NLGN4Y: variants seen among roughly 807,000 people sequenced by gnomAD.
The protein encoded by NLGN4Y is neuroligin 4 Y-linked.
In NLGN4Y, 4 loss-of-function variants were observed where a neutral mutation model predicts 8.4. The ratio of observed to expected loss-of-function variants is 0.48; its 90% CI spans 0.23 to 1.09. The LOEUF (loss-of-function observed/expected upper bound fraction) is 1.09. Ranked by LOEUF, NLGN4Y falls within the 50% of genes least tolerant of loss-of-function variation. The pLI, the probability that NLGN4Y is intolerant of heterozygous loss-of-function variation, is 0.19. For missense variants in NLGN4Y, 90 were observed against 192.3 expected, an observed-to-expected ratio of 0.47 and a Z score of 3.15; for synonymous variants, 35 against 75.6, an observed-to-expected ratio of 0.46 and a Z score of 2.78.
rs965410544 is a variant in NLGN4Y, at chrY:14,557,509, C to T, written c.-112+32801C>T. On this transcript the variant is annotated intron_variant, in intron 1 of 6. Transcript: ENST00000684976. The stretch of plus-strand genomic sequence containing the variant: ...AATTCTGTCGAGGAGATTACTAGAA[C>T]GGAGATTAACTTGTAAATAACTCTT... 1.8e-4 allele frequency among the ~76,000 whole-genome samples: 6 copies of T among 33,014 alleles called. No homozygotes were observed. In the South Asian group the frequency reaches 2.8e-3, roughly 15 times the overall value. 88.6% of individuals were successfully genotyped at this position (33,014 alleles called of 37,273 possible). A position where few individuals can be genotyped will look rare whatever the true frequency, so the allele number is the denominator to read the frequency against.
intron 2 of NLGN4Y, among the ~76,000 whole-genome samples, chrY:14,684,179 T>C (rs2080780229): frequency 6.0e-5 from 2 of 33,460 alleles, no homozygotes; most frequent in East Asian, 8.1e-4. Flanking sequence ...AAGGTGGTGA[T>C]TGGAGTGAAC....
intron 4 of NLGN4Y, among the ~76,000 whole-genome samples, chrY:14,778,177 T>C: frequency 3.0e-5 from 1 of 32,986 alleles, no homozygotes; most frequent in African/African-American, 1.2e-4. Context: ...GAGGGGAAAA[T>C]AGCACTTAGA....
At chrY:14,733,950 C>T (rs2080983338) in intron 4 of NLGN4Y, among the ~76,000 whole-genome samples, 1 of 33,324 alleles carries the variant, frequency 3.0e-5, no homozygotes, top group African/African-American at 1.2e-4. Context: ...CATCTGCAGA[C>T]AGCATGTTAA....
At chrY:14,802,682 ATTT>A in intron 4 of NLGN4Y, among the ~76,000 whole-genome samples, 1 of 10,868 alleles carries the variant, frequency 9.2e-5, no homozygotes, top group Non-Finnish European at 1.4e-4. Flanking sequence ...TTTTAAATAT[ATTT>A]AAATTTAAAT....
chrY:14,749,970 C>T, intron 4 of NLGN4Y, among the ~76,000 whole-genome samples: 1 of 32,749 alleles, frequency 3.1e-5, no homozygotes, highest in Admixed American at 2.8e-4. Context: ...GAAAGAATAA[C>T]TGTAGTGTTA....
intron 4 of NLGN4Y, among the ~76,000 whole-genome samples, chrY:14,766,070 G>T: frequency 3.0e-5 from 1 of 33,315 alleles, no homozygotes; most frequent in Non-Finnish European, 7.5e-5. Context: ...GTCAGTGAAG[G>T]GAAATCTGTA....
intron 2 of NLGN4Y, among the ~76,000 whole-genome samples, chrY:14,623,582 G>T (rs534176122): frequency 0.016 from 539 of 34,080 alleles, no homozygotes; most frequent in Admixed American, 0.11. Flanking sequence ...TTCTTTTATG[G>T]AGAATTTTTT....
At chrY:14,600,080 T>TTC (rs2080421281) in intron 1 of NLGN4Y, among the ~76,000 whole-genome samples, 1 of 32,144 alleles carries the variant, frequency 3.1e-5, no homozygotes, top group Non-Finnish European at 7.5e-5. Context: ...ATTTGTCAAT[T>TTC]TCTCTCTCTC....
intron 4 of NLGN4Y, among the ~76,000 whole-genome samples, chrY:14,734,482 C>A (rs2080985676): frequency 3.0e-5 from 1 of 33,614 alleles, no homozygotes; most frequent in Non-Finnish European, 7.4e-5. Context: ...CTGTCCCTAT[C>A]AATTTTATAT....
chrY:14,781,421 T>A, intron 4 of NLGN4Y, among the ~76,000 whole-genome samples: 1 of 33,350 alleles, frequency 3.0e-5, no homozygotes, highest in Non-Finnish European at 7.4e-5. Context: ...TGAGGCTTCT[T>A]ATAATCATGT....
chrY:14,827,200 G>A, intron 5 of NLGN4Y, among the ~76,000 whole-genome samples: 1 of 33,718 alleles, frequency 3.0e-5, no homozygotes, highest in Non-Finnish European at 7.3e-5. Context: ...TTTAAAAACA[G>A]GAACAATGAA....
At chrY:14,638,510 G>T (rs2080576545) in intron 2 of NLGN4Y, among the ~76,000 whole-genome samples, 3 of 33,722 alleles carry the variant, frequency 8.9e-5, no homozygotes. Flanking sequence ...AGAAATTAAA[G>T]TTCGAAGGTT....
intron 1 of NLGN4Y, among the ~76,000 whole-genome samples, chrY:14,561,980 G>T (rs2080229447): frequency 3.0e-5 from 1 of 33,376 alleles, no homozygotes; most frequent in Non-Finnish European, 7.4e-5. Flanking sequence ...CCCTTTGTCA[G>T]ATGGATAGAT....
intron 2 of NLGN4Y, among the ~76,000 whole-genome samples, chrY:14,716,403 A>G: frequency 2.9e-5 from 1 of 33,948 alleles, no homozygotes; most frequent in Non-Finnish European, 7.3e-5. Context: ...TAGTCTTCTC[A>G]ATAAATGGCA....
intron 4 of NLGN4Y, among the ~76,000 whole-genome samples, chrY:14,774,931 C>T (rs2081119357): frequency 3.1e-5 from 1 of 32,730 alleles, no homozygotes; most frequent in Non-Finnish European, 7.5e-5. Flanking sequence ...CTTATGTTCT[C>T]AGTCATAAGT....
chrY:14,771,832 C>T (rs1041416541), intron 4 of NLGN4Y, among the ~76,000 whole-genome samples: 2 of 33,177 alleles, frequency 6.0e-5, no homozygotes. Flanking sequence ...CATATAGGCT[C>T]ACAATAAAGG....
At chrY:14,572,271 C>T in intron 1 of NLGN4Y, among the ~76,000 whole-genome samples, 1 of 31,374 alleles carries the variant, frequency 3.2e-5, no homozygotes, top group Non-Finnish European at 7.7e-5. Context: ...TCTTTTATTT[C>T]ATTGAGCAGT....
chrY:14,736,686 G>A (rs2080992335), intron 4 of NLGN4Y, among the ~76,000 whole-genome samples: 2 of 32,052 alleles, frequency 6.2e-5, no homozygotes, highest in Non-Finnish European at 1.5e-4. Flanking sequence ...ATCATAGTGA[G>A]TTTTCATGAG....
At chrY:14,662,482 C>G in intron 2 of NLGN4Y, among the ~76,000 whole-genome samples, 1 of 33,245 alleles carries the variant, frequency 3.0e-5, no homozygotes, top group Non-Finnish European at 7.4e-5. Flanking sequence ...GCTTGAACTA[C>G]AACATTAAAG....
Sources: gnomAD v4.1 joint callset for allele counts (sites outside exome capture counted in the v4.1 genomes callset) on GRCh38, gnomAD v4.1.1 for gene constraint, MANE v1.5 for transcripts, NCBI Gene and HGNC (gene_info 2026-07-23, HGNC 2026-07-21) for gene names.